The following NRL variants were observed in gnomAD, a reference collection of about 807,000 sequenced individuals.
NRL encodes neural retina leucine zipper.
A neutral mutation model predicts 12.5 loss-of-function variants in NRL; 16 were observed. The observed-to-expected ratio is 1.28, with a 90% confidence interval of 0.87 to 1.95. The LOEUF (loss-of-function observed/expected upper bound fraction) is 1.95. Ranked by LOEUF, NRL falls within the 30% of genes most tolerant of loss-of-function variation. NRL has a pLI of 0.00. For synonymous variants in NRL, 142 were observed against 150.9 expected, an observed-to-expected ratio of 0.94 and a Z score of 0.43; for missense variants, 314 against 325.8, an observed-to-expected ratio of 0.96 and a Z score of 0.28.
chr14:24,110,307 T>G, intron 1 of NRL: 1 of 368,790 alleles, frequency 2.7e-6, no homozygotes. Context: ...TGGGGTTTCG[T>G]CACATTGCCC....
intron 1 of NRL, chr14:24,110,292 A>G: frequency 3.0e-6 from 1 of 337,978 alleles, no homozygotes; most frequent in African/African-American, 2.2e-5. Context: ...TATTTTTCGT[A>G]GAGATGGGGT....
chr14:24,097,082 C>A, intron 1 of NRL: 2 of 1,613,608 alleles, frequency 1.2e-6, no homozygotes, highest in South Asian at 1.1e-5. Flanking sequence ...TACTGCCACA[C>A]TGACCCTGCT....
At chr14:24,103,231 T>A (rs746730689) in intron 1 of NRL, 3 of 1,613,718 alleles carry the variant, frequency 1.9e-6, no homozygotes, top group African/African-American at 2.7e-5. Flanking sequence ...GCGCTCTGAG[T>A]CCACTGCTGC....
At chr14:24,091,580 T>G (rs1314506769) in intron 1 of NRL, among the ~76,000 whole-genome samples, 1 of 152,186 alleles carries the variant, frequency 6.6e-6, no homozygotes, top group Admixed American at 6.5e-5. Flanking sequence ...GATCTAATTT[T>G]TAATGGTAAA....
chr14:24,103,455 C>A, intron 1 of NRL: 1 of 1,456,938 alleles, frequency 6.9e-7, no homozygotes, highest in Non-Finnish European at 9.3e-7. Context: ...TGCAGGGTGC[C>A]CTTCCCTACC....
rs936026797 is a variant in NRL at position 24,088,205 on chromosome 14, T to C, written c.-27-5330A>G. The stretch of plus-strand genomic sequence containing the variant: ...AATCCTCTCAGGACCACACTCCAGA[T>C]AGCTAAGCATTCCCTGTCCAAAAGG... On this transcript the variant is annotated intron_variant, in intron 1 of 2. Transcript: ENST00000561028. 2.0e-4 allele frequency among the ~76,000 whole-genome samples: 31 copies of C among 152,304 alleles called. 1 individual carries two copies. Among genetic ancestry groups the C allele is most frequent in the African/African-American group, 6.3e-4 (26 of 41,576 alleles).
chr14:24,100,214 G>A, intron 1 of NRL: 1 of 1,614,138 alleles, frequency 6.2e-7, no homozygotes, highest in South Asian at 1.1e-5. Flanking sequence ...TGGAAACCTG[G>A]TATGTGCGGT....
chr14:24,100,121 C>T (rs1479026463), intron 1 of NRL: 1 of 1,613,200 alleles, frequency 6.2e-7, no homozygotes, highest in South Asian at 1.1e-5. Flanking sequence ...GTGGCTGAGA[C>T]CAGTGATGGT....
At chr14:24,098,630 G>A in intron 1 of NRL, 1 of 1,614,012 alleles carries the variant, frequency 6.2e-7, no homozygotes, top group Non-Finnish European at 8.5e-7. Flanking sequence ...GGGAGATGGT[G>A]ACTTTGTCAA....
intron 1 of NRL, chr14:24,100,397 T>G: frequency 7.5e-7 from 1 of 1,335,264 alleles, no homozygotes; most frequent in Admixed American, 3.1e-5. Flanking sequence ...AGTCACTGGT[T>G]TTGTGATCTG....
intron 1 of NRL, among the ~76,000 whole-genome samples, chr14:24,095,680 G>A (rs1037162945): frequency 2.0e-5 from 3 of 152,332 alleles, no homozygotes; most frequent in Non-Finnish European, 2.9e-5. Context: ...CTTGATAGAG[G>A]AGGAGAGTAA....
chr14:24,097,551 C>T (rs1371286766), intron 1 of NRL, among the ~76,000 whole-genome samples: 4 of 146,616 alleles, frequency 2.7e-5, no homozygotes, highest in Non-Finnish European at 4.5e-5. Flanking sequence ...GCAATAAGAG[C>T]GAAACTCTGT....
chr14:24,094,010 T>C lies in NRL; in HGVS notation c.-27-11135A>G. 1 of 514,746 alleles carries C rather than the reference T, an allele frequency of 1.9e-6. No individual in the cohort carries two copies. The highest frequency in any genetic ancestry group is 4.1e-5 in the Admixed American group (1 of 24,250). The allele number at this position is 514,746 out of a possible 1,614,324, so 31.9% of individuals were successfully genotyped here. On this transcript the variant is annotated intron_variant, in intron 1 of 2. Transcript: ENST00000561028. This position sits in a 1 kb window ranked among gnomAD's most constrained non-coding sequence, Gnocchi z 4.1. ...CCTAGCTTGTTTGCCACCTAGTGTC[T>C]CTCCCGGGAGCAAGAGTCCTCAAAG...
At chr14:24,095,491 T>G in intron 1 of NRL, 1 of 309,728 alleles carries the variant, frequency 3.2e-6, no homozygotes, top group Non-Finnish European at 6.6e-6. Context: ...GTATCCATGC[T>G]CTGAGCTTTC....
rs1167285598 is a variant in NRL at position 24,094,097 on chromosome 14, C to CCT, written c.-27-11223_-27-11222insAG. On this transcript the variant is annotated intron_variant, in intron 1 of 2. Transcript: ENST00000561028. The surrounding 1 kb of genome is among the most constrained non-coding windows in gnomAD (Gnocchi z 4.1). Reference sequence around the variant, plus strand: ...GGGGGCGGGGCCTCGAAGTCGGGGGCCGAAGAGTGGACCCAGTCCTCCAAT... The same window carrying CCT: ...GGGGGCGGGGCCTCGAAGTCGGGGGCCTCGAAGAGTGGACCCAGTCCTCCAAT... 1 of 534,546 alleles carries CCT rather than the reference C, an allele frequency of 1.9e-6. No individual in the cohort carries two copies. The highest frequency in any genetic ancestry group is 3.3e-6 in the Non-Finnish European group (1 of 305,430). 33.1% of individuals were successfully genotyped at this position (534,546 alleles called of 1,614,324 possible).
intron 1 of NRL, among the ~76,000 whole-genome samples, chr14:24,091,542 G>C (rs1420244209): frequency 6.6e-6 from 1 of 152,168 alleles, no homozygotes. Context: ...AAAGAGCCTG[G>C]AAGAGATTTT....
chr14:24,099,894 G>C, intron 1 of NRL: 1 of 1,604,134 alleles, frequency 6.2e-7, no homozygotes, highest in Non-Finnish European at 8.5e-7. Flanking sequence ...TCAGATCTTG[G>C]GTCCATCTCA....
intron 1 of NRL, among the ~76,000 whole-genome samples, chr14:24,104,690 A>G (rs1217687101): frequency 6.6e-6 from 1 of 151,760 alleles, no homozygotes; most frequent in African/African-American, 2.4e-5. Context: ...TGAGGGCCTC[A>G]GCAAGCTGCT....
intron 1 of NRL, among the ~76,000 whole-genome samples, chr14:24,111,440 C>G (rs2037417812): frequency 1.3e-5 from 2 of 152,108 alleles, no homozygotes; most frequent in Admixed American, 1.3e-4. Context: ...GTGGCGTGAT[C>G]TCGGCTCAAT....
Sources: gnomAD v4.1 joint callset for allele counts (sites outside exome capture counted in the v4.1 genomes callset) on GRCh38, gnomAD v4.1.1 for gene constraint, Gnocchi (gnomAD v3.1) non-coding constraint, MANE v1.5 for transcripts, NCBI Gene and HGNC (gene_info 2026-07-23, HGNC 2026-07-21) for gene names.